Variants in LRRC20 observed in about 807,000 individuals in gnomAD.
LRRC20 encodes the protein leucine rich repeat containing 20.
A neutral mutation model predicts 14.4 loss-of-function variants in LRRC20; 11 were observed. The ratio of observed to expected loss-of-function variants is 0.77; its 90% CI spans 0.48 to 1.27. The LOEUF (loss-of-function observed/expected upper bound fraction) is 1.27. LRRC20 is among the 50% of genes most tolerant of loss of function. The probability of loss-of-function intolerance (pLI) is 0.00; values close to 1 mark genes in which losing one functional copy is unlikely to be tolerated. For synonymous variants in LRRC20, 121 were observed against 107.3 expected (o/e 1.13, Z -0.79); for missense variants, 219 against 251.2 (o/e 0.87, Z 0.87).
chr10:70,340,732 G>T (rs145492362), intron 2 of LRRC20, 30 bp from the exon 3 acceptor site: 1 of 1,612,844 alleles, frequency 6.2e-7, no homozygotes, highest in African/African-American at 1.3e-5. Context: ...ACAAACCAGA[G>T]TTATCAGCCA....
intron 1 of LRRC20, among the ~76,000 whole-genome samples, chr10:70,382,261 T>G (rs550195942): frequency 3.3e-5 from 5 of 152,196 alleles, no homozygotes; most frequent in Non-Finnish European, 7.3e-5. Flanking sequence ...CCGAGCTCCC[T>G]ATTCCCTGGC....
intron 2 of LRRC20, among the ~76,000 whole-genome samples, chr10:70,359,919 CTT>C (rs542983316): frequency 2.1e-4 from 30 of 141,548 alleles, no homozygotes; most frequent in Non-Finnish European, 2.2e-4. Flanking sequence ...TTTTCTTTTT[CTT>C]TTTTTTTTTT....
At chr10:70,366,975 G>C (rs1844022341) in intron 2 of LRRC20, among the ~76,000 whole-genome samples, 1 of 152,096 alleles carries the variant, frequency 6.6e-6, no homozygotes, top group East Asian at 1.9e-4. Flanking sequence ...CTCAGATATG[G>C]AGGGACAACT....
intron 4 of LRRC20, 47 bp from the exon 5 acceptor site, chr10:70,301,555 A>G: frequency 6.3e-7 from 1 of 1,596,344 alleles, no homozygotes. Context: ...GGCCAACCAG[A>G]CAGAAAAGAA....
chr10:70,328,720 C>T (rs1842420856), intron 3 of LRRC20, among the ~76,000 whole-genome samples: 1 of 152,182 alleles, frequency 6.6e-6, no homozygotes, highest in Non-Finnish European at 1.5e-5. Flanking sequence ...GAGTTCAAGA[C>T]CAGCCTGCAC....
At chr10:70,372,633 G>A (rs973866223) in intron 2 of LRRC20, among the ~76,000 whole-genome samples, 27 of 151,682 alleles carry the variant, frequency 1.8e-4, no homozygotes, top group Non-Finnish European at 3.1e-4. Flanking sequence ...TAGTAGAGAT[G>A]GGGTTTCACC....
intron 4 of LRRC20, among the ~76,000 whole-genome samples, chr10:70,311,290 G>A (rs1430779820): frequency 1.4e-5 from 2 of 146,000 alleles, no homozygotes; most frequent in East Asian, 2.0e-4. Flanking sequence ...GTGCAATGGC[G>A]CGATCTCAGC....
rs368586231 is a variant in LRRC20, at chr10:70,340,706, C to T, written c.83-4G>A. ...ACCAGCTTGCACTCGGCCAGGTCTG[C>T]AGCCAAAGAACAAAAACAAACCAGA... On this transcript the variant is annotated splice_region_variant and splice_polypyrimidine_tract_variant and intron_variant, in intron 2 of 4. Coordinates refer to ENST00000446961, the MANE Select transcript of LRRC20 (RefSeq NM_001278212.2). 3 of 1,613,970 alleles carry T rather than the reference C, an allele frequency of 1.9e-6. No individual in the cohort carries two copies. In the African/African-American group the frequency reaches 4.0e-5, roughly 22 times the overall value.
rs191944193 is a variant in LRRC20 at position 70,360,337 on chromosome 10, G to C, written c.82+16115C>G. ...CAAAGCATTGGGATTACAGGTGTGAGTCACCACACCTGGTTCCTCATTGCT... is the reference window on the plus strand; with the variant it reads ...CAAAGCATTGGGATTACAGGTGTGACTCACCACACCTGGTTCCTCATTGCT... On this transcript the variant is annotated intron_variant, in intron 2 of 4. Coordinates refer to ENST00000446961, the MANE Select transcript of LRRC20 (RefSeq NM_001278212.2). Among the ~76,000 whole-genome samples the C allele has an allele frequency of 3.0e-3, 462 of 152,170 alleles. 2 individuals are homozygous for C. The highest frequency in any genetic ancestry group is 9.3e-3 in the African/African-American group (387 of 41,512).
chr10:70,319,021 G>A (rs1016131770), intron 4 of LRRC20, among the ~76,000 whole-genome samples: 9 of 151,790 alleles, frequency 5.9e-5, no homozygotes, highest in African/African-American at 1.7e-4. Flanking sequence ...TGTCCAGGCT[G>A]GCCTCAAACT....
chr10:70,340,518 C>G (rs779834922), intron 3 of LRRC20, 35 bp downstream of exon 3: 6 of 1,612,826 alleles, frequency 3.7e-6, no homozygotes, highest in Non-Finnish European at 5.1e-6. Context: ...TGAGAGCTGG[C>G]CATGCCCTCC....
intron 2 of LRRC20, among the ~76,000 whole-genome samples, chr10:70,375,314 G>A (rs150978781): frequency 4.7e-4 from 72 of 152,320 alleles, no homozygotes; most frequent in African/African-American, 1.7e-3. Context: ...GGGCAGGGCA[G>A]GGGGAAGCAA....
chr10:70,353,509 C>G (rs932271145), intron 2 of LRRC20, among the ~76,000 whole-genome samples: 2 of 151,692 alleles, frequency 1.3e-5, no homozygotes, highest in Admixed American at 1.3e-4. Flanking sequence ...CCTCCGCCTC[C>G]TGGGTTCAAG....
intron 1 of LRRC20, chr10:70,381,949 A>C (rs1844722849): frequency 1.3e-5 from 2 of 152,244 alleles, no homozygotes; most frequent in South Asian, 4.1e-4. Flanking sequence ...AGGGTCCCCC[A>C]GCCCCGCGTG....
At chr10:70,369,910 T>C (rs965871999) in intron 2 of LRRC20, among the ~76,000 whole-genome samples, 12 of 152,128 alleles carry the variant, frequency 7.9e-5, no homozygotes, top group African/African-American at 2.4e-4. Context: ...CGAAACCCCA[T>C]CTCTGCTAAA....
chr10:70,374,031 C>T (rs1235084956), intron 2 of LRRC20, among the ~76,000 whole-genome samples: 3 of 152,188 alleles, frequency 2.0e-5, no homozygotes, highest in African/African-American at 7.2e-5. Context: ...ATCTCCAGTC[C>T]ACAGAGGTTG....
At chr10:70,375,799 A>T (rs911967698) in intron 2 of LRRC20, among the ~76,000 whole-genome samples, 23 of 152,120 alleles carry the variant, frequency 1.5e-4, no homozygotes, top group Non-Finnish European at 3.1e-4. Flanking sequence ...ACTGCACTGT[A>T]TCCCCTGCTG....
intron 1 of LRRC20, among the ~76,000 whole-genome samples, chr10:70,380,534 A>G (rs1844663413): frequency 6.6e-6 from 1 of 152,168 alleles, no homozygotes; most frequent in Admixed American, 6.5e-5. Context: ...AGAAACAGAC[A>G]CCATCAGCCC....
chr10:70,368,833 G>T lies in LRRC20; in HGVS notation c.82+7619C>A, dbSNP rs577268464. Among the ~76,000 whole-genome samples, 31 of 152,246 alleles carry T rather than the reference G, an allele frequency of 2.0e-4. No individual in the cohort carries two copies. The South Asian group carries it at 6.2e-3, about 31-fold the overall frequency. ...AGATGGGGTTTCACCGTGTTGCCCAGGCTGGTCTCGAACTCCTGGCCTCAG... is the reference window on the plus strand; with the variant it reads ...AGATGGGGTTTCACCGTGTTGCCCATGCTGGTCTCGAACTCCTGGCCTCAG... On this transcript the variant is annotated intron_variant, in intron 2 of 4. Coordinates refer to ENST00000446961, the MANE Select transcript of LRRC20 (RefSeq NM_001278212.2).
Sources: allele counts gnomAD v4.1 joint callset (sites outside exome capture counted in the v4.1 genomes callset), GRCh38; gene constraint gnomAD v4.1.1; transcripts MANE v1.5; gene names NCBI Gene and HGNC (gene_info 2026-07-23, HGNC 2026-07-21).